Variants in PKD1L1 observed in about 807,000 individuals in gnomAD.
PKD1L1 encodes polycystin-1-like protein 1.
A neutral mutation model predicts 323.4 loss-of-function variants in PKD1L1; 236 were observed. The ratio of observed to expected loss-of-function variants is 0.73; its 90% confidence interval spans 0.66 to 0.81. PKD1L1 has a LOEUF of 0.81. Ranked by LOEUF, PKD1L1 falls within the 40% of genes least tolerant of loss-of-function variation. PKD1L1 has a pLI of 0.00. For synonymous variants in PKD1L1, 1,344 were observed against 1,335.0 expected, an observed-to-expected ratio of 1.01 and a Z score of -0.15; for missense variants, 3,320 against 3,508.0, an observed-to-expected ratio of 0.95 and a Z score of 1.35.
chr7:47,890,380 G>A (rs1786784550), intron 16 of PKD1L1, among the ~76,000 whole-genome samples, 162 bp downstream of exon 16: 1 of 152,212 alleles, frequency 6.6e-6, no homozygotes, highest in South Asian at 2.1e-4. Flanking sequence ...TGCTTCCCCA[G>A]CCGCTTTCTG....
Position 47,839,368 on chromosome 7 carries a change from G to T in PKD1L1, c.5769+78C>A. ...AGAAGAGTTCAAAGACACAACTGTG[G>T]CAAGCGAAGCAGAGACAGGTGCCAT... On this transcript the variant is annotated intron_variant, in intron 36 of 56. Coordinates refer to ENST00000289672, the MANE Select transcript of PKD1L1 (RefSeq NM_138295.5). This position sits in a 1 kb window ranked among gnomAD's most constrained non-coding sequence, Gnocchi z 4.3. The T allele has an allele frequency of 1.7e-6, 2 of 1,181,860 alleles. No individual in the cohort carries two copies. The highest frequency in any genetic ancestry group is 2.4e-6 in the Non-Finnish European group (2 of 830,288). 73.2% of individuals were successfully genotyped at this position (1,181,860 alleles called of 1,614,324 possible).
At position 47,923,618 on chromosome 7, in the gene PKD1L1, T is replaced by C. The variant is rs572841641; in HGVS notation, c.1060+5586A>G. Among the ~76,000 whole-genome samples the C allele has an allele frequency of 2.0e-5, 3 of 151,884 alleles. No homozygotes were observed. In the South Asian group the frequency reaches 6.2e-4, roughly 32 times the overall value. On this transcript the variant is annotated intron_variant, in intron 7 of 56. Coordinates refer to ENST00000289672, the MANE Select transcript of PKD1L1 (RefSeq NM_138295.5). ...CTCAAGCCTGCTCCCACTCTGTGAA[T>C]TGTCTTCAATAAATCTGTGCCTACT...
intron 56 of PKD1L1, among the ~76,000 whole-genome samples, chr7:47,783,646 T>C (rs1218787610): frequency 2.0e-5 from 3 of 151,776 alleles, no homozygotes; most frequent in Non-Finnish European, 4.4e-5. Context: ...GAATGCCCTG[T>C]AAAAAAGAGA....
chr7:47,900,855 T>C (rs1016457297), intron 13 of PKD1L1, among the ~76,000 whole-genome samples: 26 of 152,218 alleles, frequency 1.7e-4, no homozygotes, highest in African/African-American at 6.3e-4. Flanking sequence ...AATTATGTAA[T>C]CAAAAGGCTG....
At chr7:47,803,645 C>T (rs947439519) in intron 52 of PKD1L1, among the ~76,000 whole-genome samples, 1 of 152,164 alleles carries the variant, frequency 6.6e-6, no homozygotes, top group Non-Finnish European at 1.5e-5. Context: ...CTGTCCACCC[C>T]ACGTCTGTTC....
chr7:47,864,117 G>A (rs1786095507), intron 26 of PKD1L1, among the ~76,000 whole-genome samples: 1 of 152,164 alleles, frequency 6.6e-6, no homozygotes, highest in Non-Finnish European at 1.5e-5. Context: ...AGGTGGGCAG[G>A]AGCAGGACTG....
intron 13 of PKD1L1, among the ~76,000 whole-genome samples, chr7:47,901,327 C>CAAAAA (rs71699736): frequency 5.5e-3 from 325 of 58,958 alleles, no homozygotes; most frequent in Middle Eastern, 0.01. Context: ...AACAGAGTCT[C>CAAAAA]AAAAAAAAAA....
chr7:47,836,383 C>T (rs765159076), intron 37 of PKD1L1, among the ~76,000 whole-genome samples: 5 of 152,126 alleles, frequency 3.3e-5, no homozygotes, highest in Non-Finnish European at 7.3e-5. Context: ...TCAGTTTTGC[C>T]TCAGTCCACG....
At chr7:47,891,027 G>C (rs1173220155) in intron 15 of PKD1L1, among the ~76,000 whole-genome samples, 1 of 152,138 alleles carries the variant, frequency 6.6e-6, no homozygotes, top group Non-Finnish European at 1.5e-5. Flanking sequence ...GCCCCACCAG[G>C]CTTCCTAACC....
chr7:47,953,762 C>G, the PKD1L1 span, among the ~76,000 whole-genome samples: 1 of 152,228 alleles, frequency 6.6e-6, no homozygotes, highest in African/African-American at 2.4e-5. Context: ...GTCCAGCATC[C>G]CATCAAGCAC....
chr7:47,864,889 G>A (rs1392582098), intron 26 of PKD1L1, among the ~76,000 whole-genome samples: 8 of 151,764 alleles, frequency 5.3e-5, no homozygotes, highest in South Asian at 2.1e-4. Flanking sequence ...CACCATGCCC[G>A]GCTAATTTTT....
intron 52 of PKD1L1, among the ~76,000 whole-genome samples, chr7:47,805,480 G>C (rs1340964923): frequency 6.6e-6 from 1 of 152,254 alleles, no homozygotes; most frequent in East Asian, 1.9e-4. Context: ...GGAATTAGGA[G>C]GGAAAGCCGT....
At chr7:47,815,268 T>A in intron 47 of PKD1L1, 66 bp downstream of exon 47, 2 of 1,569,606 alleles carry the variant, frequency 1.3e-6, no homozygotes, top group South Asian at 1.2e-5. Context: ...CATTAGTGAC[T>A]GTTTCACCCA....
rs145200007 is a variant in PKD1L1 at position 47,881,965 on chromosome 7, A to G, written c.3386T>C (p.Ile1129Thr). ...SAGRAEPVLM[I>T]DWPKALLGRA... ...ACCCAGCAGGGCCTTGGGCCAGTCA[A>G]TCATGAGGACAGGCTCGGCTCTGCC... is the stretch of plus-strand genomic sequence containing the variant. The change falls in exon 20 of 57, where the codon ATT becomes ACT. Residue 1129 changes from isoleucine (I) to threonine (T), a missense_variant. Ile to Thr is a moderately conservative substitution (Grantham distance 89). Coordinates refer to ENST00000289672, the MANE Select transcript of PKD1L1 (RefSeq NM_138295.5). The G allele has an allele frequency of 2.3e-5, 37 of 1,613,742 alleles. No homozygotes were observed. The African/African-American group carries it at 4.0e-4, about 17-fold the overall frequency.
intron 45 of PKD1L1, among the ~76,000 whole-genome samples, chr7:47,823,553 T>A (rs1242868198): frequency 6.6e-6 from 1 of 152,224 alleles, no homozygotes; most frequent in Non-Finnish European, 1.5e-5. Context: ...CAAAATAACT[T>A]CATCAGATTA....
intron 7 of PKD1L1, among the ~76,000 whole-genome samples, chr7:47,921,480 T>G (rs1787537234): frequency 6.6e-6 from 1 of 152,178 alleles, no homozygotes; most frequent in Admixed American, 6.5e-5. Flanking sequence ...TGGAGATTAC[T>G]TAAATAACTA....
At chr7:47,935,807 A>G (rs918034995) in intron 4 of PKD1L1, among the ~76,000 whole-genome samples, 1 of 152,244 alleles carries the variant, frequency 6.6e-6, no homozygotes, top group African/African-American at 2.4e-5. Flanking sequence ...AAGAGTAAAG[A>G]TCAGGTGGAT....
chr7:47,877,735 G>T, intron 21 of PKD1L1, 104 bp from the exon 22 acceptor site: 1 of 1,359,952 alleles, frequency 7.4e-7, no homozygotes. Context: ...TCTCAAAGTA[G>T]GGTCCCCAGA....
chr7:47,851,942 T>C (rs1255017728), intron 31 of PKD1L1, among the ~76,000 whole-genome samples: 3 of 152,168 alleles, frequency 2.0e-5, no homozygotes, highest in African/African-American at 7.2e-5. Context: ...TTAAAAAATA[T>C]AAAGAGCTAT....
Sources: allele counts gnomAD v4.1 joint callset (sites outside exome capture counted in the v4.1 genomes callset), GRCh38; gene constraint gnomAD v4.1.1; non-coding constraint Gnocchi (gnomAD v3.1); transcripts MANE v1.5; gene names NCBI Gene and HGNC (gene_info 2026-07-23, HGNC 2026-07-21).